AHRR: variants seen among roughly 807,000 people sequenced by gnomAD.
The protein encoded by AHRR is ahR repressor.
In AHRR, 28 loss-of-function variants were observed where a neutral mutation model predicts 44.0. The observed-to-expected ratio is 0.64, with a 90% CI of 0.47 to 0.87. AHRR has a LOEUF of 0.87. Ranked by LOEUF, AHRR falls within the 40% of genes least tolerant of loss-of-function variation. The probability of loss-of-function intolerance (pLI) is 0.00; values close to 1 mark genes in which losing one functional copy is unlikely to be tolerated. For synonymous variants in AHRR, 434 were observed against 407.0 expected (o/e 1.07, Z -0.80); for missense variants, 990 against 953.9 (o/e 1.04, Z -0.50).
intron 8 of AHRR, among the ~76,000 whole-genome samples, chr5:430,290 G>A (rs754228101): frequency 5.3e-5 from 8 of 152,210 alleles, no homozygotes; most frequent in South Asian, 2.1e-4. Context: ...GCACGCTGCC[G>A]TCCCTCCTGT....
chr5:401,905 A>G (rs1298346786), intron 4 of AHRR, among the ~76,000 whole-genome samples: 1 of 152,138 alleles, frequency 6.6e-6, no homozygotes, highest in Non-Finnish European at 1.5e-5. Context: ...GAGGAGGAGT[A>G]TTCAGCCTTA....
intron 2 of AHRR, among the ~76,000 whole-genome samples, chr5:352,048 A>G (rs557800664): frequency 6.6e-6 from 1 of 152,386 alleles, no homozygotes; most frequent in East Asian, 1.9e-4. Flanking sequence ...TGGTCCTGCC[A>G]GTAACTGGCC....
intron 4 of AHRR, among the ~76,000 whole-genome samples, chr5:386,908 C>T (rs1734188428): frequency 6.6e-6 from 1 of 152,044 alleles, no homozygotes; most frequent in Non-Finnish European, 1.5e-5. Flanking sequence ...TCACCTGTGC[C>T]CTGAGGCTCT....
In AHRR at chr5:345,443, T is replaced by G. The variant is rs868193710; in HGVS notation, c.62+1479T>G. On this transcript the variant is annotated intron_variant, in intron 2 of 10. Transcript: ENST00000684583. ...GTGTGTGTGGGTGTGCGTGTGTGGG[T>G]GTGTGTGTGTGTGTGTCGGATGATG... Among the ~76,000 whole-genome samples the G allele has an allele frequency of 4.7e-3, 433 of 91,214 alleles. 7 individuals are homozygous for G. The highest frequency in any genetic ancestry group is 6.8e-3 in the Non-Finnish European group (371 of 54,412). The allele number at this position is 91,214 out of a possible 152,430, so 59.8% of individuals were successfully genotyped here.
At chr5:414,217 CGAGT>C (rs1735608381) in intron 5 of AHRR, among the ~76,000 whole-genome samples, 1 of 151,812 alleles carries the variant, frequency 6.6e-6, no homozygotes, top group African/African-American at 2.4e-5. Context: ...GAGGTGAGAT[CGAGT>C]CACTGCACTC....
At chr5:325,067 A>C (rs918268847) in intron 1 of AHRR, among the ~76,000 whole-genome samples, 2 of 152,204 alleles carry the variant, frequency 1.3e-5, no homozygotes, top group Non-Finnish European at 2.9e-5. Flanking sequence ...GAGGGCAACG[A>C]GGCTTCCGTC....
intron 4 of AHRR, among the ~76,000 whole-genome samples, chr5:400,154 GC>G (rs1457835135): frequency 1.3e-5 from 2 of 152,256 alleles, no homozygotes; most frequent in African/African-American, 4.8e-5. Flanking sequence ...AGGAGGGGCA[GC>G]CAGGGGGATG....
chr5:400,008 T>C (rs1734943571), intron 4 of AHRR, among the ~76,000 whole-genome samples: 2 of 152,234 alleles, frequency 1.3e-5, no homozygotes, highest in South Asian at 4.1e-4. Flanking sequence ...GTGAGTGATC[T>C]GCCTCCAGGA....
intron 3 of AHRR, among the ~76,000 whole-genome samples, chr5:371,287 G>T (rs993019646): frequency 1.3e-5 from 2 of 152,180 alleles, no homozygotes; most frequent in African/African-American, 4.8e-5. Flanking sequence ...AACACAGCAG[G>T]CACGATGTTT....
intron 3 of AHRR, 55 bp from the exon 4 acceptor site, chr5:376,555 A>AACACAGGAAAGATGTGAATGAAT: frequency 7.0e-7 from 1 of 1,428,922 alleles, no homozygotes; most frequent in Non-Finnish European, 9.4e-7. Context: ...TGAATGAAGA[A>AACACAGGAAAGATGTGAATGAAT]GAGTGGCCAG....
chr5:340,686 A>ATT (rs1460511792), intron 1 of AHRR, among the ~76,000 whole-genome samples: 6 of 19,504 alleles, frequency 3.1e-4, no homozygotes, highest in East Asian at 6.9e-4. Flanking sequence ...ATATATATAT[A>ATT]TATTTTTTTT....
chr5:379,431 C>G (rs554150072), intron 4 of AHRR, among the ~76,000 whole-genome samples: 2 of 152,314 alleles, frequency 1.3e-5, no homozygotes, highest in South Asian at 4.1e-4. Context: ...GTCTTCGTTT[C>G]ATGAATAGTA....
rs541389917 is a variant in AHRR, at chr5:404,538, A to T, written c.352-8806A>T. On this transcript the variant is annotated intron_variant, in intron 4 of 10. Coordinates refer to ENST00000684583, the MANE Select transcript of AHRR (RefSeq NM_001377236.1). The surrounding 1 kb of genome is among the most constrained non-coding windows in gnomAD (Gnocchi z 4.1). The stretch of plus-strand genomic sequence containing the variant: ...GTAGTGATAACCTCTTCAGAAAAAG[A>T]GCAGGCGTCCTGGGCCGGGGCAGGC... 1.5e-5 allele frequency: 5 copies of T among 323,880 alleles called. No homozygotes were observed. In the Admixed American group the frequency reaches 1.5e-4, roughly 10 times the overall value. 20.1% of individuals were successfully genotyped at this position (323,880 alleles called of 1,614,324 possible).
intron 1 of AHRR, among the ~76,000 whole-genome samples, chr5:328,739 T>C (rs1261661337): frequency 6.6e-6 from 1 of 152,224 alleles, no homozygotes; most frequent in Non-Finnish European, 1.5e-5. Context: ...TTGGGTTTTT[T>C]TGTTGTTGCC....
chr5:353,481 G>T (rs1742930598), intron 2 of AHRR, among the ~76,000 whole-genome samples: 1 of 152,158 alleles, frequency 6.6e-6, no homozygotes, highest in Non-Finnish European at 1.5e-5. Flanking sequence ...TCTGAGCTGC[G>T]GTTCTCCGGC....
intron 1 of AHRR, among the ~76,000 whole-genome samples, chr5:331,110 C>T (rs1165112603): frequency 5.3e-5 from 8 of 151,596 alleles, no homozygotes; most frequent in African/African-American, 9.7e-5. Flanking sequence ...CTCTTGACCA[C>T]GTGATCCACC....
At chr5:377,125 G>C (rs1242827649) in intron 4 of AHRR, among the ~76,000 whole-genome samples, 1 of 152,114 alleles carries the variant, frequency 6.6e-6, no homozygotes, top group African/African-American at 2.4e-5. Context: ...TCTTGGGGTG[G>C]CCTGTGTGAC....
intron 7 of AHRR, among the ~76,000 whole-genome samples, chr5:424,577 C>T (rs2126536645): frequency 6.6e-6 from 1 of 151,844 alleles, no homozygotes; most frequent in African/African-American, 2.4e-5. Flanking sequence ...GTGGACAAGC[C>T]AGGTCGATGA....
At chr5:348,915 C>T (rs1172984813) in intron 2 of AHRR, among the ~76,000 whole-genome samples, 1 of 152,242 alleles carries the variant, frequency 6.6e-6, no homozygotes, top group Non-Finnish European at 1.5e-5. Flanking sequence ...GCAGTGGTGT[C>T]ATTTCCCATT....
Sources: allele counts gnomAD v4.1 joint callset (sites outside exome capture counted in the v4.1 genomes callset), GRCh38; gene constraint gnomAD v4.1.1; non-coding constraint Gnocchi (gnomAD v3.1); transcripts MANE v1.5; gene names NCBI Gene and HGNC (gene_info 2026-07-23, HGNC 2026-07-21).